The following ERBB4 variants were observed in gnomAD, a reference collection of about 807,000 sequenced individuals.
ERBB4 encodes erb-b2 receptor tyrosine kinase 4, also known as receptor tyrosine-protein kinase erbB-4.
ERBB4 carries 42 observed loss-of-function variants against 158.0 expected under a neutral mutation model. The ratio of observed to expected loss-of-function variants is 0.27; its 90% CI spans 0.21 to 0.34. The LOEUF (loss-of-function observed/expected upper bound fraction) is 0.34. Among genes scored for constraint, ERBB4 ranks in the 10% least tolerant of loss-of-function variants. The pLI is 1.00. For synonymous variants in ERBB4, 583 were observed against 558.7 expected (o/e 1.04, Z -0.61); for missense variants, 1,333 against 1,624.1 (o/e 0.82, Z 3.08).
At chr2:212,230,013 G>A (rs1324318801) in intron 1 of ERBB4, among the ~76,000 whole-genome samples, 3 of 152,148 alleles carry the variant, frequency 2.0e-5, no homozygotes, top group African/African-American at 7.2e-5. Context: ...CGCCAGGTGC[G>A]GTGGTTCACG....
At chr2:212,310,637 G>C (rs398041476) in intron 1 of ERBB4, among the ~76,000 whole-genome samples, 3 of 138,602 alleles carry the variant, frequency 2.2e-5, no homozygotes, top group African/African-American at 8.7e-5. Context: ...GTGTGTGTGT[G>C]TGTGTGTATA....
intron 1 of ERBB4, among the ~76,000 whole-genome samples, chr2:212,192,113 T>TTA (rs1180057188): frequency 7.4e-6 from 1 of 135,166 alleles, no homozygotes; most frequent in African/African-American, 2.7e-5. Context: ...ATATTATATA[T>TTA]TATATATATT....
At chr2:212,354,509 AG>A (rs2089389858) in intron 1 of ERBB4, among the ~76,000 whole-genome samples, 1 of 152,168 alleles carries the variant, frequency 6.6e-6, no homozygotes, top group Non-Finnish European at 1.5e-5. Flanking sequence ...GTACACATAA[AG>A]TCCATGTTGA....
At chr2:211,451,949 A>G (rs190970978) in intron 20 of ERBB4, among the ~76,000 whole-genome samples, 96 of 152,290 alleles carry the variant, frequency 6.3e-4, no homozygotes, top group African/African-American at 2.1e-3. Flanking sequence ...ACTTCTATTA[A>G]ACTTGGCTTG....
chr2:211,657,567 A>C (rs2071265622), intron 16 of ERBB4, 187 bp downstream of exon 16: 1 of 626,320 alleles, frequency 1.6e-6, no homozygotes, highest in Non-Finnish European at 2.9e-6. Flanking sequence ...ATCACAATGA[A>C]TGAAGGAAAA....
chr2:211,552,176 G>T, intron 20 of ERBB4, among the ~76,000 whole-genome samples: 1 of 151,618 alleles, frequency 6.6e-6, no homozygotes. Flanking sequence ...AATATGACAT[G>T]GATATTCAAG....
intron 3 of ERBB4, among the ~76,000 whole-genome samples, chr2:211,888,562 G>C: frequency 6.6e-6 from 1 of 152,206 alleles, no homozygotes; most frequent in Non-Finnish European, 1.5e-5. Context: ...TGGCTGAATA[G>C]GAACAGCTCC....
rs894043692 is a variant in ERBB4, at chr2:211,888,788, G to A, written c.421+58642C>T. ...TTTCCGAGTCAAAGAAAGGGGTGACGGACGCACCTGGAAAATCGGGTCACT... is the reference window on the plus strand; with the variant it reads ...TTTCCGAGTCAAAGAAAGGGGTGACAGACGCACCTGGAAAATCGGGTCACT... On this transcript the variant is annotated intron_variant, in intron 3 of 27. Transcript: ENST00000342788. Among the ~76,000 whole-genome samples the A allele has an allele frequency of 4.0e-5, 6 of 151,520 alleles. No homozygotes were observed. In the East Asian group the frequency reaches 9.7e-4, roughly 25 times the overall value.
chr2:211,592,660 A>C (rs887488757), intron 19 of ERBB4, among the ~76,000 whole-genome samples: 4 of 152,146 alleles, frequency 2.6e-5, no homozygotes, highest in South Asian at 2.1e-4. Context: ...TGGATGAAGC[A>C]TAAAAAGAGG....
rs149101807 is a variant in ERBB4, at chr2:211,430,773, T to TC, written c.2643+171_2643+172insG. 0.25 allele frequency among the ~76,000 whole-genome samples: 37,251 copies of TC among 151,352 alleles called. 5,135 individuals carry two copies. Among genetic ancestry groups the TC allele is most frequent in the South Asian group, 0.51 (2,453 of 4,790 alleles). On this transcript the variant is annotated intron_variant, in intron 21 of 27. Transcript: ENST00000342788. ...TATATATGTGTGTGTATATGATATA[T>TC]ATATACACACACATATATATATACC...
chr2:212,005,825 C>T (rs1371094663), intron 2 of ERBB4, among the ~76,000 whole-genome samples: 1 of 152,028 alleles, frequency 6.6e-6, no homozygotes, highest in Non-Finnish European at 1.5e-5. Context: ...GTGGCTCATG[C>T]CTATAATCCC....
At chr2:212,442,866 G>A (rs747010818) in intron 1 of ERBB4, among the ~76,000 whole-genome samples, 3 of 152,182 alleles carry the variant, frequency 2.0e-5, no homozygotes, top group Admixed American at 6.5e-5. Flanking sequence ...CCACCATCAA[G>A]GACTTGAAGT....
At chr2:212,506,854 C>G (rs895329161) in intron 1 of ERBB4, among the ~76,000 whole-genome samples, 1 of 152,112 alleles carries the variant, frequency 6.6e-6, no homozygotes, top group Non-Finnish European at 1.5e-5. Flanking sequence ...TCTGGAAGAT[C>G]TAGTTAATAT....
At chr2:212,031,375 T>C (rs1368297697) in intron 2 of ERBB4, among the ~76,000 whole-genome samples, 1 of 152,156 alleles carries the variant, frequency 6.6e-6, no homozygotes, top group African/African-American at 2.4e-5. Flanking sequence ...CTTTAAAACA[T>C]AACATATATT....
At chr2:212,193,574 T>G (rs898851485) in intron 1 of ERBB4, among the ~76,000 whole-genome samples, 9 of 150,892 alleles carry the variant, frequency 6.0e-5, no homozygotes, top group East Asian at 5.8e-4. Context: ...AACAGAAAGG[T>G]TTTTTTTTAA....
intron 3 of ERBB4, among the ~76,000 whole-genome samples, chr2:211,874,576 C>G (rs1046735523): frequency 1.3e-5 from 2 of 152,166 alleles, no homozygotes; most frequent in Non-Finnish European, 2.9e-5. Context: ...TATCTCCACT[C>G]TCAACACTCT....
intron 1 of ERBB4, among the ~76,000 whole-genome samples, chr2:212,326,848 T>C (rs896441299): frequency 1.3e-5 from 2 of 150,998 alleles, no homozygotes; most frequent in Admixed American, 1.3e-4. Context: ...CACATGTATG[T>C]GTATGTCTGT....
At chr2:211,961,578 C>T (rs1201842252) in intron 2 of ERBB4, among the ~76,000 whole-genome samples, 1 of 152,142 alleles carries the variant, frequency 6.6e-6, no homozygotes, top group Non-Finnish European at 1.5e-5. Context: ...AAATCTCAGA[C>T]ATTTGACATT....
chr2:212,192,177 A>T (rs71350759), intron 1 of ERBB4, among the ~76,000 whole-genome samples: 37,904 of 144,668 alleles, frequency 0.26, 5,986 homozygotes, highest in South Asian at 0.43. Flanking sequence ...GTTATATATT[A>T]TATATATAAT....
Sources: gnomAD v4.1 joint callset for allele counts (sites outside exome capture counted in the v4.1 genomes callset) on GRCh38, gnomAD v4.1.1 for gene constraint, MANE v1.5 for transcripts, NCBI Gene and HGNC (gene_info 2026-07-23, HGNC 2026-07-21) for gene names.